Variants in SEL1L3 observed in about 807,000 individuals in gnomAD.
SEL1L3 encodes SEL1L family member 3.
In SEL1L3, 76 loss-of-function variants were observed where a neutral mutation model predicts 142.8. The ratio of observed to expected loss-of-function variants is 0.53; its 90% CI spans 0.44 to 0.64. The LOEUF (loss-of-function observed/expected upper bound fraction) is 0.64, where lower values mean the gene tolerates loss of function less well. SEL1L3 is among the 30% of genes least tolerant of loss of function. SEL1L3 has a pLI of 0.00. For missense variants in SEL1L3, 1,262 were observed against 1,381.7 expected (o/e 0.91, Z 1.37); for synonymous variants, 504 against 519.6 (o/e 0.97, Z 0.41).
chr4:25,739,020 A>G, the SEL1L3 span, among the ~76,000 whole-genome samples: 1 of 152,020 alleles, frequency 6.6e-6, no homozygotes, highest in South Asian at 2.1e-4. Flanking sequence ...CATGACCAAC[A>G]TGGAGAAACC....
intron 9 of SEL1L3, among the ~76,000 whole-genome samples, chr4:25,811,266 G>A (rs748920903): frequency 5.3e-5 from 8 of 152,198 alleles, no homozygotes; most frequent in Non-Finnish European, 1.2e-4. Context: ...TTGTAAATGA[G>A]TGTGCACAGA....
chr4:25,786,933 CTG>C (rs1166278885), intron 13 of SEL1L3, among the ~76,000 whole-genome samples: 1 of 152,190 alleles, frequency 6.6e-6, no homozygotes. Context: ...GTGGCCACAG[CTG>C]TGTTCTGGAG....
At chr4:25,759,987 C>T (rs772808058) in intron 20 of SEL1L3, 18 of 152,056 alleles carry the variant, frequency 1.2e-4, no homozygotes, top group African/African-American at 4.3e-4. Flanking sequence ...TATTTTGTTA[C>T]GTGTTATGGG....
At chr4:25,778,225 A>G (rs1719766440) in intron 16 of SEL1L3, among the ~76,000 whole-genome samples, 1 of 152,136 alleles carries the variant, frequency 6.6e-6, no homozygotes, top group African/African-American at 2.4e-5. Context: ...CAAAAAAGAC[A>G]CAGATGGAGG....
At chr4:25,780,992 A>T (rs1719963803) in intron 15 of SEL1L3, among the ~76,000 whole-genome samples, 1 of 151,110 alleles carries the variant, frequency 6.6e-6, no homozygotes, top group Non-Finnish European at 1.5e-5. Flanking sequence ...CACCTGGATA[A>T]TTTCTGTATT....
At chr4:25,749,460 T>C (rs757379566) in intron 23 of SEL1L3, among the ~76,000 whole-genome samples, 3 of 152,028 alleles carry the variant, frequency 2.0e-5, no homozygotes, top group African/African-American at 7.2e-5. Flanking sequence ...ATAGTAAAAA[T>C]GTTTGATGTT....
Position 25,833,647 on chromosome 4 carries a change from G to C in SEL1L3, c.861-78C>G, listed in dbSNP as rs117253923. 825 of 1,299,850 alleles carry C rather than the reference G, an allele frequency of 6.3e-4. 10 individuals are homozygous for C. The East Asian group carries it at 0.02, about 32-fold the overall frequency. 80.5% of individuals were successfully genotyped at this position (1,299,850 alleles called of 1,614,324 possible). A position where few individuals can be genotyped will look rare whatever the true frequency, so the allele number is the denominator to read the frequency against. The stretch of plus-strand genomic sequence containing the variant: ...GGTAATTATGGTTAACAATGACCAA[G>C]TAAATTGCTTTCTTTCCAATGAATG... On this transcript the variant is annotated intron_variant, in intron 3 of 23. Transcript: ENST00000399878.
chr4:25,839,066 G>C (rs1716010366), intron 2 of SEL1L3, among the ~76,000 whole-genome samples: 1 of 152,224 alleles, frequency 6.6e-6, no homozygotes, highest in South Asian at 2.1e-4. Context: ...AATCTGCGGG[G>C]AAAGAAGCGA....
intron 7 of SEL1L3, among the ~76,000 whole-genome samples, chr4:25,820,190 C>T (rs2109258021): frequency 6.6e-6 from 1 of 152,362 alleles, no homozygotes; most frequent in South Asian, 2.1e-4. Context: ...TTCCCAGAGA[C>T]TGGGACTCTT....
At chr4:25,753,845 G>A (rs1333418170) in intron 23 of SEL1L3, among the ~76,000 whole-genome samples, 1 of 152,046 alleles carries the variant, frequency 6.6e-6, no homozygotes, top group East Asian at 1.9e-4. Context: ...TCAGCTGGGG[G>A]TGGTGGCGTG....
At chr4:25,776,177 C>T in intron 17 of SEL1L3, 100 bp downstream of exon 17, 1 of 699,516 alleles carries the variant, frequency 1.4e-6, no homozygotes, top group Non-Finnish European at 2.5e-6. Context: ...TGTGATTTCC[C>T]TGCAAATTGC....
chr4:25,814,961 C>T (rs999527555), intron 9 of SEL1L3, among the ~76,000 whole-genome samples: 1 of 152,140 alleles, frequency 6.6e-6, no homozygotes, highest in Non-Finnish European at 1.5e-5. Flanking sequence ...GAAGGCTCCC[C>T]AGTCCTTCCA....
chr4:25,765,712 C>T (rs181427137), intron 19 of SEL1L3, among the ~76,000 whole-genome samples: 1 of 152,148 alleles, frequency 6.6e-6, no homozygotes, highest in East Asian at 1.9e-4. Flanking sequence ...GATCAGGGCT[C>T]ACTGCAGCCT....
intron 2 of SEL1L3, among the ~76,000 whole-genome samples, chr4:25,840,958 T>C (rs892240992): frequency 3.9e-5 from 6 of 152,132 alleles, no homozygotes; most frequent in Admixed American, 3.9e-4. Flanking sequence ...ATTTTCTCCT[T>C]TGTGTGCCAC....
chr4:25,728,810 C>G, the SEL1L3 span, among the ~76,000 whole-genome samples: 65 of 149,562 alleles, frequency 4.3e-4, no homozygotes, highest in African/African-American at 1.5e-3. Flanking sequence ...GAGGCAGAGG[C>G]TGCAGTGAAC....
chr4:25,809,433 C>T (rs1046700972), intron 9 of SEL1L3, among the ~76,000 whole-genome samples: 10 of 152,080 alleles, frequency 6.6e-5, no homozygotes, highest in African/African-American at 2.2e-4. Flanking sequence ...GCTTGAGCCA[C>T]GGCGCCCAGC....
Position 25,788,332 on chromosome 4 carries a change from C to T in SEL1L3, c.2109G>A (p.Gln703=). Reference sequence around the variant, plus strand: ...CTTCGGGATTCTTGGCCACACCTTGCTGCCCCCAGAACAGCATCTGGGCCA... The same window carrying T: ...CTTCGGGATTCTTGGCCACACCTTGTTGCCCCCAGAACAGCATCTGGGCCA... The part of the protein sequence containing the change: ...QRLAQMLFWG[Q]QGVAKNPEAA... The change falls in exon 13 of 24, where the codon CAG becomes CAA. Residue 703 remains glutamine, a synonymous_variant. Coordinates refer to ENST00000399878, the MANE Select transcript of SEL1L3 (RefSeq NM_015187.5). The surrounding 1 kb of genome is among the most constrained non-coding windows in gnomAD (Gnocchi z 5.3). The T allele has an allele frequency of 6.2e-7, 1 of 1,613,984 alleles. No individual in the cohort carries two copies. The highest frequency in any genetic ancestry group is 8.5e-7 in the Non-Finnish European group (1 of 1,179,868).
intron 11 of SEL1L3, among the ~76,000 whole-genome samples, chr4:25,799,872 G>T (rs895701925): frequency 6.6e-6 from 1 of 152,192 alleles, no homozygotes; most frequent in African/African-American, 2.4e-5. Context: ...GAAACCAGAG[G>T]TGTAGATGAG....
chr4:25,741,342 C>T, the SEL1L3 span, among the ~76,000 whole-genome samples: 1 of 151,478 alleles, frequency 6.6e-6, no homozygotes, highest in Non-Finnish European at 1.5e-5. Context: ...GTCAAGTAAT[C>T]CGCCCGCCTC....
Sources: gnomAD v4.1 joint callset for allele counts (sites outside exome capture counted in the v4.1 genomes callset) on GRCh38, gnomAD v4.1.1 for gene constraint, Gnocchi (gnomAD v3.1) non-coding constraint, MANE v1.5 for transcripts, NCBI Gene and HGNC (gene_info 2026-07-23, HGNC 2026-07-21) for gene names.